The following DNAJB6 variants were observed in gnomAD, a reference collection of about 807,000 sequenced individuals.
The protein encoded by DNAJB6 is DnaJ heat shock protein family (Hsp40) member B6, also known as dnaJ homolog subfamily B member 6.
A neutral mutation model predicts 42.7 loss-of-function variants in DNAJB6; 16 were observed. The observed-to-expected ratio is 0.37, with a 90% CI of 0.25 to 0.57. The LOEUF is 0.57. Ranked by LOEUF, DNAJB6 falls within the 20% of genes least tolerant of loss-of-function variation. The pLI, the probability that DNAJB6 is intolerant of heterozygous loss-of-function variation, is 0.74. For synonymous variants in DNAJB6, 170 were observed against 163.5 expected, an observed-to-expected ratio of 1.04 and a Z score of -0.30; for missense variants, 347 against 416.8, an observed-to-expected ratio of 0.83 and a Z score of 1.46.
chr7:157,348,921 T>A (rs1181493994), intron 1 of DNAJB6, among the ~76,000 whole-genome samples: 1 of 152,208 alleles, frequency 6.6e-6, no homozygotes, highest in East Asian at 1.9e-4. Context: ...TTGCCTCTGT[T>A]CTCTGCCTGG....
chr7:157,360,437 C>T (rs1799526528), intron 2 of DNAJB6, among the ~76,000 whole-genome samples: 1 of 152,140 alleles, frequency 6.6e-6, no homozygotes, highest in African/African-American at 2.4e-5. Flanking sequence ...CAGCCCTTAT[C>T]AATGGATAAG....
intron 8 of DNAJB6, among the ~76,000 whole-genome samples, chr7:157,402,620 AG>A (rs1174755124): frequency 6.6e-6 from 1 of 152,204 alleles, no homozygotes; most frequent in East Asian, 1.9e-4. Context: ...GCCGGGTCCC[AG>A]GGGAGGGCTG....
intron 2 of DNAJB6, among the ~76,000 whole-genome samples, chr7:157,361,135 T>C (rs1799563438): frequency 6.6e-6 from 1 of 151,624 alleles, no homozygotes; most frequent in Admixed American, 6.6e-5. Flanking sequence ...CTGGCACATT[T>C]AGGGTTATTT....
At position 157,369,995 on chromosome 7, in the gene DNAJB6, C is replaced by G. The variant is rs138364682; in HGVS notation, c.346+2512C>G. Among the ~76,000 whole-genome samples, 331 of 146,302 alleles carry G rather than the reference C, an allele frequency of 2.3e-3. 10 individuals are homozygous for G. In the East Asian group the frequency reaches 0.051, roughly 23 times the overall value. On this transcript the variant is annotated intron_variant, in intron 5 of 9. Coordinates refer to ENST00000262177, the MANE Select transcript of DNAJB6 (RefSeq NM_058246.4). ...TCTTAACATTATTATTAAACAGGCC[C>G]CTTCTTAACATTATTATTAAAGAGG...
chr7:157,346,822 T>A (rs1201388181), intron 1 of DNAJB6, among the ~76,000 whole-genome samples: 1 of 152,210 alleles, frequency 6.6e-6, no homozygotes, highest in African/African-American at 2.4e-5. Flanking sequence ...TGGAGACACG[T>A]GGATTTCTCT....
Position 157,408,228 on chromosome 7 carries a change from C to T in DNAJB6, c.692-1567C>T, listed in dbSNP as rs540464830. Among the ~76,000 whole-genome samples the T allele has an allele frequency of 4.8e-3, 724 of 152,262 alleles. 11 individuals carry two copies. Among genetic ancestry groups the T allele is most frequent in the Non-Finnish European group, 4.0e-3 (271 of 68,026 alleles). On this transcript the variant is annotated intron_variant, in intron 8 of 9. Transcript: ENST00000262177. Reference sequence around the variant, plus strand: ...GCAGGACGCGCGGGCCGGGTGTTGACAATGGGGTGTCATAGGTCAAGCCTC... The same window carrying T: ...GCAGGACGCGCGGGCCGGGTGTTGATAATGGGGTGTCATAGGTCAAGCCTC...
rs574655013 is a variant in DNAJB6, at chr7:157,365,910, C to T, written c.176-592C>T. ...AACTCCTGACCTCAGGTGATCGGCC[C>T]TTCTCGGCCTCTGAAAGTGCTGGGA... On this transcript the variant is annotated intron_variant, in intron 3 of 9. Coordinates refer to ENST00000262177, the MANE Select transcript of DNAJB6 (RefSeq NM_058246.4). Among the ~76,000 whole-genome samples, 3 of 151,802 alleles carry T rather than the reference C, an allele frequency of 2.0e-5. No individual in the cohort carries two copies. In the East Asian group the frequency reaches 5.8e-4, roughly 30 times the overall value.
chr7:157,360,666 T>C (rs78380089), intron 2 of DNAJB6, among the ~76,000 whole-genome samples: 2,949 of 152,308 alleles, frequency 0.019, 49 homozygotes, highest in Middle Eastern at 0.031. Flanking sequence ...ATGCTGACTT[T>C]TAAAAATGAG....
intron 5 of DNAJB6, among the ~76,000 whole-genome samples, chr7:157,377,143 A>T (rs970888949): frequency 6.6e-6 from 1 of 152,186 alleles, no homozygotes; most frequent in Non-Finnish European, 1.5e-5. Context: ...GACCTTTAAC[A>T]TGTGCTAGAC....
chr7:157,388,649 T>TA (rs1467636501), intron 8 of DNAJB6, among the ~76,000 whole-genome samples: 2 of 141,946 alleles, frequency 1.4e-5, no homozygotes, highest in African/African-American at 5.1e-5. Flanking sequence ...GGGGGGGGGG[T>TA]AAGTGGTTTT....
chr7:157,400,196 T>G (rs1189228759), intron 8 of DNAJB6, among the ~76,000 whole-genome samples: 2 of 73,830 alleles, frequency 2.7e-5, no homozygotes, highest in Admixed American at 1.3e-4. Flanking sequence ...TAGGGAAGTG[T>G]GAGCATGAGG....
At position 157,356,235 on chromosome 7, in the gene DNAJB6, A is replaced by G. The variant is rs371051729; in HGVS notation, c.-26-2312A>G. 6.6e-5 allele frequency among the ~76,000 whole-genome samples: 10 copies of G among 152,246 alleles called. No individual in the cohort carries two copies. In the South Asian group the frequency reaches 2.1e-3, roughly 32 times the overall value. ...GGTACTGCCACTGGCATCACTGCCA[A>G]AATGCCACCTCAGATCGTTGGCAGC... On this transcript the variant is annotated intron_variant, in intron 1 of 9. Coordinates refer to ENST00000262177, the MANE Select transcript of DNAJB6 (RefSeq NM_058246.4).
At chr7:157,371,906 C>CTT (rs1800228249) in intron 5 of DNAJB6, among the ~76,000 whole-genome samples, 1 of 152,126 alleles carries the variant, frequency 6.6e-6, no homozygotes, top group Admixed American at 6.5e-5. Context: ...CTTGGAAAAC[C>CTT]AAAGCGAACC....
chr7:157,363,341 C>T, intron 3 of DNAJB6, 71 bp downstream of exon 3: 2 of 1,020,640 alleles, frequency 2.0e-6, no homozygotes, highest in Non-Finnish European at 3.0e-6. Flanking sequence ...TTGGGATCCT[C>T]CTCAGGGTAG....
chr7:157,405,092 G>A (rs190715409), intron 8 of DNAJB6, among the ~76,000 whole-genome samples: 86 of 152,300 alleles, frequency 5.6e-4, no homozygotes, highest in East Asian at 1.9e-3. Flanking sequence ...CTGACAGGCC[G>A]GCCTTGGTGA....
At chr7:157,379,804 C>A (rs1409221110) in intron 5 of DNAJB6, 6 of 121,468 alleles carry the variant, frequency 4.9e-5, no homozygotes, top group African/African-American at 1.8e-4. Flanking sequence ...TGCAGAAATG[C>A]CTTTTTTTTT....
At chr7:157,360,912 G>A (rs1192108073) in intron 2 of DNAJB6, among the ~76,000 whole-genome samples, 1 of 152,046 alleles carries the variant, frequency 6.6e-6, no homozygotes, top group Non-Finnish European at 1.5e-5. Context: ...AAAGTCATTT[G>A]GCACTGTTTA....
intron 5 of DNAJB6, chr7:157,369,032 G>A (rs938109910): frequency 8.4e-6 from 3 of 359,246 alleles, no homozygotes; most frequent in South Asian, 2.1e-5. Context: ...ATTATGGGCT[G>A]GCTGGCTTGA....
In DNAJB6 at chr7:157,409,908, C is replaced by A; in HGVS notation, c.805C>A (p.Leu269Met). Residue 269 changes from leucine (L) to methionine (M), a missense_variant, in exon 9 of 10, where the codon CTG (leucine) becomes ATG (methionine). Transcript: ENST00000262177. Reference protein sequence around the residue: ...PPKPPRPASLLRHAPHCLSEE... With the variant: ...PPKPPRPASLMRHAPHCLSEE... ...GAAGCCGCCCCGGCCTGCCTCGCTG[C>A]TGAGACACGCGCCTCACTGTCTCTC... The A allele has an allele frequency of 6.5e-7, 1 of 1,534,970 alleles. No homozygotes were observed. Among genetic ancestry groups the A allele is most frequent in the Non-Finnish European group, 8.7e-7 (1 of 1,145,768 alleles).
Sources: gnomAD v4.1 joint callset for allele counts (sites outside exome capture counted in the v4.1 genomes callset) on GRCh38, gnomAD v4.1.1 for gene constraint, MANE v1.5 for transcripts, NCBI Gene and HGNC (gene_info 2026-07-23, HGNC 2026-07-21) for gene names.